Variants in FUT9 observed in about 807,000 individuals in gnomAD.
FUT9 encodes the protein fucosyltransferase 9.
A neutral mutation model predicts 29.7 loss-of-function variants in FUT9; 15 were observed. That is an observed-to-expected ratio of 0.51 (90% CI 0.34 to 0.78). The LOEUF (loss-of-function observed/expected upper bound fraction) is 0.78. FUT9 is among the 30% of genes least tolerant of loss of function. The pLI, the probability that FUT9 is intolerant of heterozygous loss-of-function variation, is 0.01. For missense variants in FUT9, 319 were observed against 425.4 expected, an observed-to-expected ratio of 0.75 and a Z score of 2.20; for synonymous variants, 169 against 153.7, an observed-to-expected ratio of 1.10 and a Z score of -0.74.
intron 1 of FUT9, among the ~76,000 whole-genome samples, chr6:96,085,068 C>A (rs1021490741): frequency 6.6e-6 from 1 of 152,034 alleles, no homozygotes; most frequent in Non-Finnish European, 1.5e-5. Flanking sequence ...AGAACATATT[C>A]GCATAAGGCT....
At chr6:96,119,858 G>A (rs968099755) in intron 2 of FUT9, among the ~76,000 whole-genome samples, 1 of 152,046 alleles carries the variant, frequency 6.6e-6, no homozygotes, top group Non-Finnish European at 1.5e-5. Context: ...ATTTTATTAG[G>A]TAATTTGAAA....
At chr6:96,070,503 C>T (rs4840213) in intron 1 of FUT9, among the ~76,000 whole-genome samples, 150,982 of 152,174 alleles carry the variant, frequency 0.99, 74,912 homozygotes, top group Middle Eastern at 1. Context: ...CTGGGCAACA[C>T]GGGGAAACTC....
At chr6:96,081,664 T>C (rs2127950978) in intron 1 of FUT9, among the ~76,000 whole-genome samples, 1 of 151,986 alleles carries the variant, frequency 6.6e-6, no homozygotes, top group African/African-American at 2.4e-5. Flanking sequence ...TGTAAGTATG[T>C]GCGAGAGGTT....
chr6:96,073,571 C>G (rs1055269269), intron 1 of FUT9, among the ~76,000 whole-genome samples: 1 of 152,054 alleles, frequency 6.6e-6, no homozygotes, highest in African/African-American at 2.4e-5. Flanking sequence ...ATAAGCAGGT[C>G]TAAATATCAA....
At position 96,202,666 on chromosome 6, in the gene FUT9, C is replaced by T. The variant is rs145663816; in HGVS notation, c.-8-482C>T. 4.9e-4 allele frequency among the ~76,000 whole-genome samples: 74 copies of T among 152,104 alleles called. 1 individual carries two copies. Among genetic ancestry groups the T allele is most frequent in the African/African-American group, 1.7e-3 (72 of 41,512 alleles). The stretch of plus-strand genomic sequence containing the variant: ...TATAACGAGAAAAACAAAAACATAA[C>T]GTTTTTAAAAACAGTTTAGTTTTCT... On this transcript the variant is annotated intron_variant, in intron 2 of 2. Transcript: ENST00000302103.
intron 2 of FUT9, among the ~76,000 whole-genome samples, chr6:96,151,604 G>A (rs766908002): frequency 2.6e-5 from 4 of 152,116 alleles, no homozygotes; most frequent in Non-Finnish European, 4.4e-5. Context: ...GGAAGGAATC[G>A]TTGTTCCAAA....
chr6:96,155,476 A>G (rs1772763334), intron 2 of FUT9, among the ~76,000 whole-genome samples: 1 of 152,062 alleles, frequency 6.6e-6, no homozygotes, highest in South Asian at 2.1e-4. Flanking sequence ...GATCGAGACT[A>G]TCCTGGCTAA....
chr6:96,071,217 T>G (rs989542480), intron 1 of FUT9, among the ~76,000 whole-genome samples: 2 of 152,176 alleles, frequency 1.3e-5, no homozygotes, highest in Non-Finnish European at 2.9e-5. Flanking sequence ...CAGTTGGAAA[T>G]TGACTGCAGG....
chr6:96,165,990 G>A (rs1184612822), intron 2 of FUT9, among the ~76,000 whole-genome samples: 3 of 151,868 alleles, frequency 2.0e-5, no homozygotes, highest in East Asian at 3.9e-4. Flanking sequence ...TTCTAGCTTC[G>A]GCTTGTGGTT....
chr6:96,171,968 G>A (rs1029642105), intron 2 of FUT9, among the ~76,000 whole-genome samples: 1 of 152,148 alleles, frequency 6.6e-6, no homozygotes, highest in South Asian at 2.1e-4. Context: ...CCAAACATCA[G>A]TGTCTTAGTT....
intron 1 of FUT9, among the ~76,000 whole-genome samples, chr6:96,050,484 G>T (rs968195966): frequency 1.3e-5 from 2 of 152,182 alleles, no homozygotes; most frequent in East Asian, 3.8e-4. Flanking sequence ...GATTCTAACA[G>T]AAGAGTTGTT....
intron 1 of FUT9, among the ~76,000 whole-genome samples, chr6:96,062,432 A>G (rs1770891813): frequency 6.6e-6 from 1 of 152,144 alleles, no homozygotes; most frequent in South Asian, 2.1e-4. Context: ...TAAATAATTG[A>G]ATGAGAAAAC....
intron 1 of FUT9, among the ~76,000 whole-genome samples, chr6:96,066,528 C>T (rs1582206089): frequency 6.6e-6 from 1 of 151,946 alleles, no homozygotes; most frequent in East Asian, 1.9e-4. Flanking sequence ...ATTCCTGTCA[C>T]CACTCATAAA....
chr6:96,065,005 T>C (rs146313434), intron 1 of FUT9, among the ~76,000 whole-genome samples: 193 of 152,302 alleles, frequency 1.3e-3, no homozygotes, highest in African/African-American at 4.5e-3. Context: ...TTCCCTTGCT[T>C]CACTCCACAT....
intron 1 of FUT9, among the ~76,000 whole-genome samples, chr6:96,074,597 T>C (rs1771113402): frequency 6.6e-6 from 1 of 152,122 alleles, no homozygotes; most frequent in Admixed American, 6.5e-5. Flanking sequence ...TGGAGTCTCA[T>C]TGTTCTTTTG....
Position 96,124,153 on chromosome 6 carries a change from C to CTTT in FUT9, c.-9+10040_-9+10042dup, listed in dbSNP as rs35122970. 8.2e-3 allele frequency among the ~76,000 whole-genome samples: 1,022 copies of CTTT among 125,008 alleles called. 19 individuals are homozygous for CTTT. Among genetic ancestry groups the CTTT allele is most frequent in the African/African-American group, 0.029 (959 of 33,334 alleles). The allele number at this position is 125,008 out of a possible 152,430, so 82.0% of individuals were successfully genotyped here. A position where few individuals can be genotyped will look rare whatever the true frequency, so the allele number is the denominator to read the frequency against. The stretch of plus-strand genomic sequence containing the variant: ...GGCTGCTTTTCTTTTTTTCTTTTTT[C>CTTT]TTTTTTTTTTTTTTTTGAGACAGAG... On this transcript the variant is annotated intron_variant, in intron 2 of 2. Transcript: ENST00000302103.
rs144433594 is a variant in FUT9 at position 96,208,625 on chromosome 6, A to G, written c.*4390A>G. ...AGTTTGTCACCTGGATGCAAAAGGA[A>G]GGCATTTTAATTCCTTTCTATCTTA... On this transcript the variant is annotated 3_prime_UTR_variant, in exon 3 of 3. Coordinates refer to ENST00000302103, the MANE Select transcript of FUT9 (RefSeq NM_006581.4). The G allele has an allele frequency of 2.4e-5, 4 of 166,896 alleles. No homozygotes were observed. Among genetic ancestry groups the G allele is most frequent in the Admixed American group, 2.0e-4 (3 of 15,274 alleles). 10.3% of individuals were successfully genotyped at this position (166,896 alleles called of 1,614,324 possible).
intron 2 of FUT9, among the ~76,000 whole-genome samples, chr6:96,165,503 T>C (rs562858356): frequency 8.0e-6 from 1 of 125,660 alleles, no homozygotes; most frequent in Non-Finnish European, 1.7e-5. Flanking sequence ...TCCTTTATTA[T>C]AGCAATTAGC....
chr6:96,104,923 A>G (rs1771649969), intron 1 of FUT9, among the ~76,000 whole-genome samples: 1 of 152,218 alleles, frequency 6.6e-6, no homozygotes, highest in Admixed American at 6.5e-5. Flanking sequence ...TTTCCAAAAT[A>G]CATTCTAAGT....
Sources: allele counts gnomAD v4.1 joint callset (sites outside exome capture counted in the v4.1 genomes callset), GRCh38; gene constraint gnomAD v4.1.1; transcripts MANE v1.5; gene names NCBI Gene and HGNC (gene_info 2026-07-23, HGNC 2026-07-21).